EEPD1: variants seen among roughly 807,000 people sequenced by gnomAD.
The protein encoded by EEPD1 is endonuclease/exonuclease/phosphatase family domain-containing protein 1.
Under a neutral mutation model 46.3 loss-of-function variants are expected in EEPD1, and 17 were observed. That is an observed-to-expected ratio of 0.37 (90% confidence interval 0.25 to 0.55). EEPD1 has a LOEUF of 0.55. EEPD1 is among the 20% of genes least tolerant of loss of function. The pLI is 0.83. For missense variants in EEPD1, 673 were observed against 745.6 expected (o/e 0.90, Z 1.13); for synonymous variants, 313 against 315.6 (o/e 0.99, Z 0.09).
rs778991786 is a variant in EEPD1 at position 36,155,102 on chromosome 7, G to T, written c.778G>T (p.Val260Leu). 4 of 1,570,682 alleles carry T rather than the reference G, an allele frequency of 2.5e-6. No individual in the cohort carries two copies. The highest frequency in any genetic ancestry group is 3.5e-6 in the Non-Finnish European group (4 of 1,158,690). The change falls in exon 2 of 8, where the codon GTG becomes TTG. Residue 260 changes from valine to leucine, a missense_variant. Val to Leu is a conservative substitution (Grantham distance 32). Transcript: ENST00000242108. ...TGGAGGCACAAGGGATGGGAGGCCT[G>T]TGCTGAGGCTGGCCACCTGGAACTT... is the stretch of plus-strand genomic sequence containing the variant. Reference protein sequence around the residue: ...AFGGTRDGRPVLRLATWNLQG... With the variant: ...AFGGTRDGRPLLRLATWNLQG...
At chr7:36,205,362 A>C (rs1452093403) in intron 2 of EEPD1, among the ~76,000 whole-genome samples, 2 of 152,248 alleles carry the variant, frequency 1.3e-5, no homozygotes, top group Non-Finnish European at 2.9e-5. Context: ...CAAACAATGT[A>C]AGGAAACAGT....
chr7:36,203,426 ATT>A (rs1785751814), intron 2 of EEPD1, among the ~76,000 whole-genome samples: 1 of 152,186 alleles, frequency 6.6e-6, no homozygotes, highest in Non-Finnish European at 1.5e-5. Context: ...GAAACTCTAA[ATT>A]AACACCTGCC....
intron 2 of EEPD1, among the ~76,000 whole-genome samples, chr7:36,219,802 A>AGGGTGTGTGT (rs1404686805): frequency 1.5e-5 from 1 of 67,254 alleles, no homozygotes. Context: ...AGAGAGAGAG[A>AGGGTGTGTGT]GAGAGTGTGT....
At chr7:36,267,215 T>C (rs1439022144) in intron 3 of EEPD1, among the ~76,000 whole-genome samples, 1 of 152,210 alleles carries the variant, frequency 6.6e-6, no homozygotes, top group African/African-American at 2.4e-5. Flanking sequence ...TTGTACTCTA[T>C]ACCATAGCCC....
intron 2 of EEPD1, among the ~76,000 whole-genome samples, chr7:36,232,111 A>G (rs542479169): frequency 2.6e-5 from 4 of 151,486 alleles, no homozygotes; most frequent in Non-Finnish European, 5.9e-5. Flanking sequence ...TTAACTGTGT[A>G]GATCTGAGTG....
chr7:36,267,330 AT>A (rs1787038278), intron 3 of EEPD1, among the ~76,000 whole-genome samples: 2 of 152,178 alleles, frequency 1.3e-5, no homozygotes, highest in African/African-American at 4.8e-5. Flanking sequence ...GGGCCCCTGC[AT>A]GGCCAGGCCT....
intron 2 of EEPD1, among the ~76,000 whole-genome samples, chr7:36,179,899 G>A (rs1785243840): frequency 6.6e-6 from 1 of 152,102 alleles, no homozygotes; most frequent in South Asian, 2.1e-4. Flanking sequence ...ACAGTTACCT[G>A]AGTCACCCGA....
Position 36,299,584 on chromosome 7 carries a change from GA to G in EEPD1, c.*380del. On this transcript the variant is annotated 3_prime_UTR_variant, in exon 8 of 8. Coordinates refer to ENST00000242108, the MANE Select transcript of EEPD1 (RefSeq NM_030636.3). Reference sequence around the variant, plus strand: ...TGCGGGCCACAGTCCAGCAGCGCCAGAAGCACTCATTTCTGACCACCAGGCT... The same window carrying G: ...TGCGGGCCACAGTCCAGCAGCGCCAGAGCACTCATTTCTGACCACCAGGCT... 1 of 253,762 alleles carries G rather than the reference GA, an allele frequency of 3.9e-6. No individual in the cohort carries two copies. Among genetic ancestry groups the G allele is most frequent in the Non-Finnish European group, 7.7e-6 (1 of 130,630 alleles). 15.7% of individuals were successfully genotyped at this position (253,762 alleles called of 1,614,324 possible). A position where few individuals can be genotyped will look rare whatever the true frequency, so the allele number is the denominator to read the frequency against.
chr7:36,161,346 G>C (rs891538396), intron 2 of EEPD1, among the ~76,000 whole-genome samples: 1 of 152,168 alleles, frequency 6.6e-6, no homozygotes, highest in Admixed American at 6.5e-5. Flanking sequence ...TGTGAAGCTT[G>C]CTAAGAGACC....
chr7:36,255,696 GT>G (rs1175252661), intron 3 of EEPD1, among the ~76,000 whole-genome samples: 1 of 152,074 alleles, frequency 6.6e-6, no homozygotes, highest in African/African-American at 2.4e-5. Context: ...ATTTTCTATT[GT>G]TTCTATTTGA....
intron 2 of EEPD1, among the ~76,000 whole-genome samples, chr7:36,218,604 A>T (rs1221031268): frequency 1.3e-5 from 2 of 152,194 alleles, no homozygotes; most frequent in African/African-American, 4.8e-5. Context: ...CTGGTGAGAC[A>T]CAGCGGTGCA....
chr7:36,171,470 A>G (rs1785079879), intron 2 of EEPD1, among the ~76,000 whole-genome samples: 1 of 152,230 alleles, frequency 6.6e-6, no homozygotes, highest in Admixed American at 6.5e-5. Context: ...CTTTGAGATC[A>G]AAGCCCTTGG....
chr7:36,299,361 T>C lies in EEPD1; in HGVS notation c.*155T>C. The C allele has an allele frequency of 3.2e-6, 3 of 923,218 alleles. No homozygotes were observed. Among genetic ancestry groups the C allele is most frequent in the Non-Finnish European group, 4.8e-6 (3 of 628,890 alleles). 57.2% of individuals were successfully genotyped at this position (923,218 alleles called of 1,614,324 possible). A position where few individuals can be genotyped will look rare whatever the true frequency, so the allele number is the denominator to read the frequency against. On this transcript the variant is annotated 3_prime_UTR_variant, in exon 8 of 8. Coordinates refer to ENST00000242108, the MANE Select transcript of EEPD1 (RefSeq NM_030636.3). The stretch of plus-strand genomic sequence containing the variant: ...TGCCCCACGCCTTCTCTGTGGACCA[T>C]TCAGGACCTCCAGTGGGGGTGGCGT...
chr7:36,191,889 G>A (rs1785467531), intron 2 of EEPD1, among the ~76,000 whole-genome samples: 1 of 152,196 alleles, frequency 6.6e-6, no homozygotes, highest in Non-Finnish European at 1.5e-5. Context: ...GTGGGAGTCT[G>A]GGATCCTAAA....
intron 2 of EEPD1, among the ~76,000 whole-genome samples, chr7:36,187,414 T>G (rs1785378227): frequency 6.6e-6 from 1 of 152,256 alleles, no homozygotes; most frequent in Admixed American, 6.5e-5. Flanking sequence ...TTCCCCATCT[T>G]CCAGCCCCTG....
At chr7:36,219,352 G>GA (rs1786091022) in intron 2 of EEPD1, among the ~76,000 whole-genome samples, 2 of 151,730 alleles carry the variant, frequency 1.3e-5, no homozygotes, top group Non-Finnish European at 2.9e-5. Context: ...AAGTAACAAG[G>GA]AATCTCCTAT....
At chr7:36,181,837 G>A (rs1232081318) in intron 2 of EEPD1, among the ~76,000 whole-genome samples, 1 of 152,056 alleles carries the variant, frequency 6.6e-6, no homozygotes, top group African/African-American at 2.4e-5. Context: ...TCAACTCTTT[G>A]TGTGGCAATG....
At chr7:36,172,310 C>T (rs185366138) in intron 2 of EEPD1, among the ~76,000 whole-genome samples, 144 of 152,278 alleles carry the variant, frequency 9.5e-4, no homozygotes, top group African/African-American at 3.4e-3. Flanking sequence ...CTAAGACCCT[C>T]CCCTGAGAGG....
chr7:36,184,857 A>G (rs922719628), intron 2 of EEPD1, among the ~76,000 whole-genome samples: 4 of 151,982 alleles, frequency 2.6e-5, no homozygotes, highest in African/African-American at 7.3e-5. Context: ...CAGCCTCTCG[A>G]GTAGCTGGGA....
Sources: gnomAD v4.1 joint callset for allele counts (sites outside exome capture counted in the v4.1 genomes callset) on GRCh38, gnomAD v4.1.1 for gene constraint, MANE v1.5 for transcripts, NCBI Gene and HGNC (gene_info 2026-07-23, HGNC 2026-07-21) for gene names.